Variants in FILIP1L observed in about 807,000 individuals in gnomAD.
FILIP1L encodes the protein filamin A interacting protein 1 like.
A neutral mutation model predicts 96.6 loss-of-function variants in FILIP1L; 55 were observed. The ratio of observed to expected loss-of-function variants is 0.57; its 90% CI spans 0.46 to 0.71. FILIP1L has a LOEUF of 0.71. Ranked by LOEUF, FILIP1L falls within the 30% of genes least tolerant of loss-of-function variation. The pLI is 0.00. For synonymous variants in FILIP1L, 467 were observed against 473.9 expected (o/e 0.99, Z 0.19); for missense variants, 1,304 against 1,321.2 (o/e 0.99, Z 0.20).
At chr3:100,095,907 C>T (rs1317865447) in intron 1 of FILIP1L, among the ~76,000 whole-genome samples, 1 of 152,012 alleles carries the variant, frequency 6.6e-6, no homozygotes, top group Non-Finnish European at 1.5e-5. Flanking sequence ...ATATAAGGAG[C>T]TCAAACAACT....
At chr3:100,006,498 CA>C (rs1479209214) in intron 1 of FILIP1L, among the ~76,000 whole-genome samples, 1 of 152,068 alleles carries the variant, frequency 6.6e-6, no homozygotes, top group Non-Finnish European at 1.5e-5. Flanking sequence ...TTTTCTGCCC[CA>C]AAGTCTCCTT....
intron 5 of FILIP1L, among the ~76,000 whole-genome samples, chr3:99,841,532 A>G (rs1200318773): frequency 6.6e-6 from 1 of 152,120 alleles, no homozygotes; most frequent in Non-Finnish European, 1.5e-5. Flanking sequence ...CACCTATCCA[A>G]AAGCCTCAGG....
intron 1 of FILIP1L, among the ~76,000 whole-genome samples, chr3:100,056,902 G>C (rs2065474333): frequency 6.6e-6 from 1 of 152,128 alleles, no homozygotes; most frequent in African/African-American, 2.4e-5. Context: ...TACTCGGGAG[G>C]CTGAGGCAGG....
At chr3:99,846,698 A>G (rs1447501947) in intron 5 of FILIP1L, among the ~76,000 whole-genome samples, 2 of 152,330 alleles carry the variant, frequency 1.3e-5, no homozygotes, top group Non-Finnish European at 2.9e-5. Flanking sequence ...TTCTGTCAAC[A>G]AATCCTCGCT....
At chr3:100,014,313 A>G (rs539654159) in intron 1 of FILIP1L, among the ~76,000 whole-genome samples, 1 of 152,208 alleles carries the variant, frequency 6.6e-6, no homozygotes, top group East Asian at 1.9e-4. Context: ...GAGAATGTAG[A>G]TATCTTTTCA....
intron 1 of FILIP1L, chr3:100,040,410 A>G (rs1475583072): frequency 6.6e-6 from 1 of 152,204 alleles, no homozygotes; most frequent in African/African-American, 2.4e-5. Context: ...ATAGCATTCC[A>G]TTTTAATATA....
intron 1 of FILIP1L, among the ~76,000 whole-genome samples, chr3:100,079,777 G>A (rs1003697861): frequency 3.3e-5 from 5 of 151,344 alleles, no homozygotes; most frequent in South Asian, 2.1e-4. Flanking sequence ...AGTTACTACC[G>A]TTTTACAATT....
At chr3:100,067,167 G>A (rs566184991) in intron 1 of FILIP1L, among the ~76,000 whole-genome samples, 10 of 58,886 alleles carry the variant, frequency 1.7e-4, no homozygotes, top group Non-Finnish European at 4.6e-4. Context: ...TTTTGATCTC[G>A]TTTGTTTGTT....
chr3:100,050,563 G>A (rs547212667), intron 1 of FILIP1L, among the ~76,000 whole-genome samples: 13 of 152,118 alleles, frequency 8.5e-5, no homozygotes, highest in African/African-American at 2.2e-4. Flanking sequence ...ACAGAGTCTC[G>A]CTCTATTGCC....
intron 1 of FILIP1L, among the ~76,000 whole-genome samples, chr3:99,941,450 G>A (rs1212237843): frequency 1.3e-5 from 2 of 152,182 alleles, no homozygotes; most frequent in African/African-American, 4.8e-5. Context: ...GAATGAAAAA[G>A]GGTTCCCAGG....
intron 4 of FILIP1L, among the ~76,000 whole-genome samples, chr3:99,914,439 T>G (rs1292603228): frequency 6.6e-6 from 1 of 152,226 alleles, no homozygotes; most frequent in Non-Finnish European, 1.5e-5. Flanking sequence ...GTTAGATTTT[T>G]TTTTCCAGAA....
intron 1 of FILIP1L, among the ~76,000 whole-genome samples, chr3:99,953,850 AT>A (rs1365827802): frequency 6.6e-6 from 1 of 152,124 alleles, no homozygotes; most frequent in Non-Finnish European, 1.5e-5. Context: ...GTCTTCCTTG[AT>A]CCACAAATAG....
chr3:99,965,905 C>T (rs77854514), intron 1 of FILIP1L, among the ~76,000 whole-genome samples: 1 of 152,290 alleles, frequency 6.6e-6, no homozygotes, highest in Non-Finnish European at 1.5e-5. Flanking sequence ...TGGACCATTT[C>T]TGTACATAAG....
Position 99,929,848 on chromosome 3 carries a change from G to A in FILIP1L, c.426+8C>T, listed in dbSNP as rs1265986561. ...CTCCCAGGTACACACCCCTATTGTG[G>A]TACATACCTCATTCATTGGTTTCTC... On this transcript the variant is annotated splice_region_variant and intron_variant, in intron 3 of 5. Coordinates refer to ENST00000477258, the MANE Select transcript of FILIP1L (RefSeq NM_001387850.1). The A allele has an allele frequency of 6.2e-7, 1 of 1,607,790 alleles. No individual in the cohort carries two copies. Among genetic ancestry groups the A allele is most frequent in the Non-Finnish European group, 8.5e-7 (1 of 1,176,862 alleles).
intron 1 of FILIP1L, among the ~76,000 whole-genome samples, chr3:99,938,918 G>A (rs1300843297): frequency 1.3e-5 from 2 of 152,052 alleles, no homozygotes; most frequent in African/African-American, 4.8e-5. Flanking sequence ...CTATCTGATG[G>A]CTAAAAAAAG....
chr3:100,070,505 A>G (rs1178258413), intron 1 of FILIP1L, among the ~76,000 whole-genome samples: 1 of 152,278 alleles, frequency 6.6e-6, no homozygotes. Flanking sequence ...TTTAAGGTAT[A>G]AAACTTACAG....
At chr3:99,936,888 T>C (rs761139491) in intron 1 of FILIP1L, among the ~76,000 whole-genome samples, 5 of 152,182 alleles carry the variant, frequency 3.3e-5, no homozygotes, top group Non-Finnish European at 5.9e-5. Context: ...AGCCCTACTA[T>C]GTCAAGTATT....
At chr3:99,867,760 A>G (rs943340345) in intron 4 of FILIP1L, among the ~76,000 whole-genome samples, 9 of 152,178 alleles carry the variant, frequency 5.9e-5, no homozygotes, top group African/African-American at 2.2e-4. Flanking sequence ...CACTGTATAC[A>G]AATTCACATG....
chr3:99,864,973 A>G (rs1314523044), intron 4 of FILIP1L, among the ~76,000 whole-genome samples: 1 of 152,120 alleles, frequency 6.6e-6, no homozygotes, highest in Non-Finnish European at 1.5e-5. Flanking sequence ...TTAATACTAT[A>G]TTTCTGGTAG....
Sources: allele counts gnomAD v4.1 joint callset (sites outside exome capture counted in the v4.1 genomes callset), GRCh38; gene constraint gnomAD v4.1.1; transcripts MANE v1.5; gene names NCBI Gene and HGNC (gene_info 2026-07-23, HGNC 2026-07-21).